The following BABAM2 variants were observed in gnomAD, a reference collection of about 807,000 sequenced individuals.
BABAM2 encodes BRISC and BRCA1-A complex member 2.
Under a neutral mutation model 54.7 loss-of-function variants are expected in BABAM2, and 31 were observed. The observed-to-expected ratio is 0.57, with a 90% confidence interval of 0.43 to 0.77. The LOEUF (loss-of-function observed/expected upper bound fraction) is 0.77. BABAM2 is among the 30% of genes least tolerant of loss of function. The pLI is 0.00. For synonymous variants in BABAM2, 167 were observed against 162.9 expected (o/e 1.03, Z -0.19); for missense variants, 364 against 455.8 (o/e 0.80, Z 1.83).
chr2:28,118,187 G>A (rs140270754), intron 6 of BABAM2, among the ~76,000 whole-genome samples: 2 of 152,178 alleles, frequency 1.3e-5, no homozygotes, highest in Admixed American at 1.3e-4. Context: ...ACCTATGTAT[G>A]CATGTGTCTT....
Position 28,322,233 on chromosome 2 carries a change from C to A in BABAM2, c.1089-16217C>A, listed in dbSNP as rs1382925862. Among the ~76,000 whole-genome samples, 2 of 152,248 alleles carry A rather than the reference C, an allele frequency of 1.3e-5. No homozygotes were observed. Among genetic ancestry groups the A allele is most frequent in the East Asian group, 3.9e-4 (2 of 5,154 alleles). ...GTGATGGAGCTTCCAGCTGCCCCTA[C>A]CATTCGGTGCACAAGTGTCCCTGAA... is the stretch of plus-strand genomic sequence containing the variant. On this transcript the variant is annotated intron_variant, in intron 11 of 11. Transcript: ENST00000379624. The surrounding 1 kb of genome is among the most constrained non-coding windows in gnomAD (Gnocchi z 4.1).
chr2:28,010,054 GCATGTCAGTAATCAAAGACA>G (rs1447659197), intron 4 of BABAM2, among the ~76,000 whole-genome samples: 2 of 152,142 alleles, frequency 1.3e-5, no homozygotes, highest in South Asian at 2.1e-4. Context: ...CTCATTGTGT[GCATGTCAGTAATCAAAGACA>G]CATGTCAGTA....
intron 6 of BABAM2, among the ~76,000 whole-genome samples, chr2:28,064,088 A>G (rs1020951253): frequency 3.6e-4 from 55 of 152,296 alleles, no homozygotes; most frequent in South Asian, 2.1e-4. Flanking sequence ...AATGCTTCAC[A>G]TATTCTTTGT....
At chr2:28,256,323 T>C (rs1180638078) in intron 10 of BABAM2, among the ~76,000 whole-genome samples, 1 of 152,250 alleles carries the variant, frequency 6.6e-6, no homozygotes, top group African/African-American at 2.4e-5. Flanking sequence ...CTGTGATTTC[T>C]ATTAGTACCA....
intron 11 of BABAM2, chr2:28,309,279 A>C (rs1244375715): frequency 6.6e-6 from 1 of 152,160 alleles, no homozygotes; most frequent in Admixed American, 6.5e-5. Context: ...TTTTCAAGCC[A>C]GTAGTGGTGC....
intron 11 of BABAM2, chr2:28,310,437 C>T (rs1055120746): frequency 6.0e-6 from 2 of 332,806 alleles, no homozygotes; most frequent in Non-Finnish European, 1.1e-5. Flanking sequence ...TCCTTTGGTT[C>T]CACTGGAAGC....
At chr2:27,994,374 T>C (rs1003866015) in intron 4 of BABAM2, among the ~76,000 whole-genome samples, 2 of 152,234 alleles carry the variant, frequency 1.3e-5, no homozygotes, top group Admixed American at 6.5e-5. Flanking sequence ...GTGTATAGCA[T>C]GGTGAATTTC....
In BABAM2 at chr2:28,131,079, A is replaced by ATT. The variant is rs34627329; in HGVS notation, c.680+1718_680+1719dup. On this transcript the variant is annotated intron_variant, in intron 7 of 11. Coordinates refer to ENST00000379624, the MANE Select transcript of BABAM2 (RefSeq NM_199191.3). Reference sequence around the variant, plus strand: ...TATTATTATTATTATTATTATTATTATTTTTTTTTTTTTTTTTTTTGAGAC... The same window carrying ATT: ...TATTATTATTATTATTATTATTATTATTTTTTTTTTTTTTTTTTTTTTGAGAC... Among the ~76,000 whole-genome samples the ATT allele has an allele frequency of 1.7e-3, 10 of 5,942 alleles. 4 individuals are homozygous for ATT. Among genetic ancestry groups the ATT allele is most frequent in the East Asian group, 5.7e-3 (2 of 352 alleles). 3.9% of individuals were successfully genotyped at this position (5,942 alleles called of 152,430 possible). A position where few individuals can be genotyped will look rare whatever the true frequency, so the allele number is the denominator to read the frequency against.
At chr2:28,295,553 T>G (rs567033132) in intron 10 of BABAM2, among the ~76,000 whole-genome samples, 26 of 152,220 alleles carry the variant, frequency 1.7e-4, no homozygotes, top group African/African-American at 6.0e-4. Context: ...CGGAGTCCAG[T>G]GGCGCTGTCT....
At chr2:28,068,423 T>A (rs6547824) in intron 6 of BABAM2, among the ~76,000 whole-genome samples, 2 of 152,198 alleles carry the variant, frequency 1.3e-5, no homozygotes, top group African/African-American at 4.8e-5. Context: ...ACTGAGTTTA[T>A]AACTCTGTGG....
chr2:28,075,368 G>A (rs940442107), intron 6 of BABAM2, among the ~76,000 whole-genome samples: 7 of 152,112 alleles, frequency 4.6e-5, no homozygotes, highest in African/African-American at 1.7e-4. Context: ...TAGTAATAGA[G>A]CTGTATAACT....
In BABAM2 at chr2:27,964,878, A is replaced by G. The variant is rs114885367; in HGVS notation, c.206-23115A>G. Among the ~76,000 whole-genome samples the G allele has an allele frequency of 6.3e-3, 965 of 152,324 alleles. 12 individuals carry two copies. Among genetic ancestry groups the G allele is most frequent in the Non-Finnish European group, 8.0e-3 (547 of 68,018 alleles). On this transcript the variant is annotated intron_variant, in intron 3 of 11. Transcript: ENST00000379624. ...AAACCAATGCTACCAAGTAGAAGTT[A>G]TTAGGAAACAGATTTTCACTCTGCA...
intron 11 of BABAM2, among the ~76,000 whole-genome samples, chr2:28,319,914 C>G (rs960739151): frequency 1.3e-5 from 2 of 152,152 alleles, no homozygotes; most frequent in Admixed American, 6.5e-5. Flanking sequence ...ACCTCACTCC[C>G]GAGGCACTGG....
At position 28,322,637 on chromosome 2, in the gene BABAM2, G is replaced by A. The variant is rs1039960670; in HGVS notation, c.1089-15813G>A. On this transcript the variant is annotated intron_variant, in intron 11 of 11. Transcript: ENST00000379624. This position sits in a 1 kb window ranked among gnomAD's most constrained non-coding sequence, Gnocchi z 4.1. ...CAGTTCGTGTTGTGGAGCTTCAGAG[G>A]CAGGACAAGCAGTCATGGGCTGTGG... Among the ~76,000 whole-genome samples, 8 of 152,232 alleles carry A rather than the reference G, an allele frequency of 5.3e-5. No individual in the cohort carries two copies. The highest frequency in any genetic ancestry group is 1.7e-4 in the African/African-American group (7 of 41,466).
At chr2:28,228,227 G>A (rs1681064319) in intron 7 of BABAM2, among the ~76,000 whole-genome samples, 1 of 152,168 alleles carries the variant, frequency 6.6e-6, no homozygotes, top group African/African-American at 2.4e-5. Flanking sequence ...TGATGTGCAC[G>A]TGAAGTTACC....
At chr2:27,920,688 AG>A in intron 2 of BABAM2, among the ~76,000 whole-genome samples, 1 of 152,308 alleles carries the variant, frequency 6.6e-6, no homozygotes, top group East Asian at 1.9e-4. Context: ...GAAAACAGGA[AG>A]CTATGTAGGA....
intron 3 of BABAM2, among the ~76,000 whole-genome samples, chr2:27,974,874 C>T (rs372558279): frequency 5.0e-4 from 76 of 151,978 alleles, no homozygotes; most frequent in African/African-American, 1.6e-3. Flanking sequence ...CTAGAACTTA[C>T]GAGTTTTTTA....
At chr2:28,097,240 T>G (rs139330433) in intron 6 of BABAM2, among the ~76,000 whole-genome samples, 1 of 152,076 alleles carries the variant, frequency 6.6e-6, no homozygotes, top group Middle Eastern at 3.2e-3. Flanking sequence ...TACCAGAGTA[T>G]GTAGAAAGTG....
At chr2:28,127,042 C>T (rs1669610884) in intron 6 of BABAM2, among the ~76,000 whole-genome samples, 1 of 151,900 alleles carries the variant, frequency 6.6e-6, no homozygotes, top group East Asian at 1.9e-4. Flanking sequence ...GATATTAGCC[C>T]TTTGTCAGAT....
Sources: gnomAD v4.1 joint callset for allele counts (sites outside exome capture counted in the v4.1 genomes callset) on GRCh38, gnomAD v4.1.1 for gene constraint, Gnocchi (gnomAD v3.1) non-coding constraint, MANE v1.5 for transcripts, NCBI Gene and HGNC (gene_info 2026-07-23, HGNC 2026-07-21) for gene names.